Variants in ABCG2 observed in about 807,000 individuals in gnomAD.
ABCG2 encodes the protein ATP binding cassette subfamily G member 2 (JR blood group).
A neutral mutation model predicts 73.5 loss-of-function variants in ABCG2; 80 were observed. That is an observed-to-expected ratio of 1.09 (90% confidence interval 0.91 to 1.31). The LOEUF (loss-of-function observed/expected upper bound fraction) is 1.31, where lower values mean the gene tolerates loss of function less well. ABCG2 is among the 50% of genes most tolerant of loss of function. The pLI, the probability that ABCG2 is intolerant of heterozygous loss-of-function variation, is 0.00. For missense variants in ABCG2, 796 were observed against 786.2 expected, an observed-to-expected ratio of 1.01 and a Z score of -0.15; for synonymous variants, 269 against 282.4, an observed-to-expected ratio of 0.95 and a Z score of 0.48.
chr4:88,206,158 A>G (rs533740555), intron 1 of ABCG2, among the ~76,000 whole-genome samples: 3 of 152,250 alleles, frequency 2.0e-5, no homozygotes, highest in African/African-American at 7.2e-5. Flanking sequence ...TCTTCTCCCA[A>G]CTGAAAGAAT....
chr4:88,219,601 A>C, intron 1 of ABCG2, among the ~76,000 whole-genome samples: 1 of 3,262 alleles, frequency 3.1e-4, no homozygotes, highest in South Asian at 5.1e-3. Flanking sequence ...TTTTTTTTTG[A>C]GACCGAGTCT....
intron 1 of ABCG2, among the ~76,000 whole-genome samples, chr4:88,189,804 T>C (rs1046905777): frequency 6.6e-6 from 1 of 152,230 alleles, no homozygotes; most frequent in Non-Finnish European, 1.5e-5. Context: ...CAGGCACTTG[T>C]TAATAATCTT....
At chr4:88,210,595 C>CTTT (rs11461199) in intron 1 of ABCG2, among the ~76,000 whole-genome samples, 147 of 146,264 alleles carry the variant, frequency 1.0e-3, no homozygotes, top group East Asian at 2.8e-3. Context: ...TTTTTCTTTT[C>CTTT]TTTTTTTTTT....
intron 10 of ABCG2, among the ~76,000 whole-genome samples, chr4:88,104,436 G>T (rs1722637886): frequency 6.6e-6 from 1 of 152,088 alleles, no homozygotes; most frequent in African/African-American, 2.4e-5. Flanking sequence ...TCCCAGGAGG[G>T]ATTAAATCAT....
Position 88,095,549 on chromosome 4 carries a change from A to G in ABCG2, c.1708T>C (p.Tyr570His), listed in dbSNP as rs1252462192. Reference sequence around the variant, plus strand: ...AATCCATATCGTGGAATGCTGAAGTACTGAAGCCATGACAGCCAAGATGCA... The same window carrying G: ...AATCCATATCGTGGAATGCTGAAGTGCTGAAGCCATGACAGCCAAGATGCA... ...TIASWLSWLQ[Y>H]FSIPRYGFTA... The change falls in exon 14 of 16, where the codon TAC (tyrosine) becomes CAC (histidine). Residue 570 changes from tyrosine to histidine, a missense_variant. Coordinates refer to ENST00000237612, the MANE Select transcript of ABCG2 (RefSeq NM_004827.3). The G allele has an allele frequency of 1.2e-6, 2 of 1,613,768 alleles. No individual in the cohort carries two copies. Among genetic ancestry groups the G allele is most frequent in the Admixed American group, 1.7e-5 (1 of 60,022 alleles).
chr4:88,113,817 AGC>A (rs1723324372), intron 8 of ABCG2, among the ~76,000 whole-genome samples: 1 of 151,862 alleles, frequency 6.6e-6, no homozygotes, highest in Non-Finnish European at 1.5e-5. Flanking sequence ...AAAAAAAATT[AGC>A]CTGGCGTGGT....
At chr4:88,094,112 T>C (rs2110170129) in intron 15 of ABCG2, among the ~76,000 whole-genome samples, 1 of 152,316 alleles carries the variant, frequency 6.6e-6, no homozygotes, top group African/African-American at 2.4e-5. Flanking sequence ...ACTTTCTTTG[T>C]GCTATTGCTG....
At chr4:88,214,019 A>G (rs1295115513) in intron 1 of ABCG2, among the ~76,000 whole-genome samples, 1 of 106,578 alleles carries the variant, frequency 9.4e-6, no homozygotes, top group African/African-American at 3.7e-5. Context: ...ACAGAGTCTC[A>G]TTCTGTCGCC....
chr4:88,174,404 A>T (rs1027050369), intron 1 of ABCG2, among the ~76,000 whole-genome samples: 2 of 152,164 alleles, frequency 1.3e-5, no homozygotes, highest in Non-Finnish European at 2.9e-5. Flanking sequence ...CTCACCTATG[A>T]GTGAAAACAT....
At chr4:88,119,267 C>T (rs1321329602) in intron 6 of ABCG2, among the ~76,000 whole-genome samples, 2 of 152,202 alleles carry the variant, frequency 1.3e-5, no homozygotes, top group African/African-American at 4.8e-5. Context: ...AACTGTAAGT[C>T]CATGAAACTT....
intron 2 of ABCG2, among the ~76,000 whole-genome samples, chr4:88,133,715 T>C (rs1725053286): frequency 6.6e-6 from 1 of 152,132 alleles, no homozygotes; most frequent in African/African-American, 2.4e-5. Flanking sequence ...AAGGAGAATT[T>C]GGCCGGGTGT....
chr4:88,099,090 T>A (rs962123581), intron 12 of ABCG2, among the ~76,000 whole-genome samples: 5 of 152,112 alleles, frequency 3.3e-5, no homozygotes, highest in Non-Finnish European at 7.4e-5. Context: ...CAAGACCCTG[T>A]CTCAAAAAAG....
intron 1 of ABCG2, among the ~76,000 whole-genome samples, chr4:88,204,434 A>G (rs1417026438): frequency 6.6e-6 from 1 of 152,148 alleles, no homozygotes; most frequent in African/African-American, 2.4e-5. Flanking sequence ...AAACAAACAA[A>G]CAAACAAACA....
At chr4:88,144,913 G>T (rs1725882504) in intron 1 of ABCG2, among the ~76,000 whole-genome samples, 1 of 151,670 alleles carries the variant, frequency 6.6e-6, no homozygotes, top group Non-Finnish European at 1.5e-5. Flanking sequence ...CAATTGGAAA[G>T]CTCAAATTGC....
At chr4:88,153,346 G>A (rs1242841994) in intron 1 of ABCG2, among the ~76,000 whole-genome samples, 2 of 152,038 alleles carry the variant, frequency 1.3e-5, no homozygotes, top group African/African-American at 4.8e-5. Flanking sequence ...AATGAGACTG[G>A]GGCCTAATAA....
chr4:88,129,203 T>C lies in ABCG2; in HGVS notation c.531+1858A>G, dbSNP rs535686156. ...GATATTAACACCTTTTCAATTACCATGAGGCTCCCCAAATTGACCCCATAT... is the reference window on the plus strand; with the variant it reads ...GATATTAACACCTTTTCAATTACCACGAGGCTCCCCAAATTGACCCCATAT... On this transcript the variant is annotated intron_variant, in intron 5 of 15. Transcript: ENST00000237612. Among the ~76,000 whole-genome samples, 3 of 152,256 alleles carry C rather than the reference T, an allele frequency of 2.0e-5. No individual in the cohort carries two copies. The South Asian group carries it at 6.2e-4, about 32-fold the overall frequency.
At chr4:88,116,291 C>T (rs927998466) in intron 7 of ABCG2, among the ~76,000 whole-genome samples, 2 of 152,098 alleles carry the variant, frequency 1.3e-5, no homozygotes, top group Admixed American at 6.5e-5. Context: ...GCAGTATTCT[C>T]GATAGAACAT....
chr4:88,165,189 G>A (rs35683035), intron 1 of ABCG2, among the ~76,000 whole-genome samples: 53,941 of 152,130 alleles, frequency 0.35, 10,514 homozygotes, highest in African/African-American at 0.51. Flanking sequence ...TGGCTGATTT[G>A]GGATTTGGAA....
intron 5 of ABCG2, among the ~76,000 whole-genome samples, chr4:88,127,642 T>C (rs1008643427): frequency 6.6e-6 from 1 of 152,184 alleles, no homozygotes; most frequent in Non-Finnish European, 1.5e-5. Context: ...ATCTGATCTT[T>C]GACATACCTG....
Sources: allele counts gnomAD v4.1 joint callset (sites outside exome capture counted in the v4.1 genomes callset), GRCh38; gene constraint gnomAD v4.1.1; transcripts MANE v1.5; gene names NCBI Gene and HGNC (gene_info 2026-07-23, HGNC 2026-07-21).